The following PID1 variants were observed in gnomAD, a reference collection of about 807,000 sequenced individuals.
PID1 encodes the protein phosphotyrosine interaction domain containing 1, also known as PTB-containing, cubilin and LRP1-interacting protein.
In PID1, 10 loss-of-function variants were observed where a neutral mutation model predicts 19.1. The observed-to-expected ratio is 0.52, with a 90% CI of 0.32 to 0.89. The LOEUF is 0.89. Among genes scored for constraint, PID1 ranks in the 40% least tolerant of loss-of-function variants. PID1 has a pLI of 0.03. For synonymous variants in PID1, 130 were observed against 116.0 expected (o/e 1.12, Z -0.78); for missense variants, 248 against 285.3 (o/e 0.87, Z 0.94).
intron 2 of PID1, among the ~76,000 whole-genome samples, chr2:229,104,232 T>C (rs761412480): frequency 6.6e-6 from 1 of 152,196 alleles, no homozygotes; most frequent in African/African-American, 2.4e-5. Flanking sequence ...ACCTTTCACC[T>C]AAATTGCCCT....
chr2:229,050,748 G>T lies in PID1; in HGVS notation c.178-24640C>A, dbSNP rs570963451. ...TCAAGCTCTGGGGGTAGCTCAGATG[G>T]AAGTCACTGTAGGCCTTCTAGTAAA... On this transcript the variant is annotated intron_variant, in intron 2 of 2. Transcript: ENST00000392055. Among the ~76,000 whole-genome samples, 3 of 152,244 alleles carry T rather than the reference G, an allele frequency of 2.0e-5. No homozygotes were observed. In the South Asian group the frequency reaches 6.2e-4, roughly 32 times the overall value.
chr2:229,070,730 G>C (rs1275606316), intron 2 of PID1, among the ~76,000 whole-genome samples: 1 of 152,194 alleles, frequency 6.6e-6, no homozygotes, highest in Non-Finnish European at 1.5e-5. Context: ...TTGAGAGCAA[G>C]ACAAGGAACC....
At chr2:229,266,118 C>T (rs1271504960) in intron 1 of PID1, among the ~76,000 whole-genome samples, 1 of 152,110 alleles carries the variant, frequency 6.6e-6, no homozygotes, top group Admixed American at 6.6e-5. Flanking sequence ...CAATAGGGCC[C>T]GATGTTTTGT....
chr2:229,025,367 A>C lies in PID1; in HGVS notation c.*265T>G. 1 of 360,598 alleles carries C rather than the reference A, an allele frequency of 2.8e-6. No individual in the cohort carries two copies. The highest frequency in any genetic ancestry group is 4.7e-6 in the Non-Finnish European group (1 of 212,608). 22.3% of individuals were successfully genotyped at this position (360,598 alleles called of 1,614,324 possible). On this transcript the variant is annotated 3_prime_UTR_variant, in exon 3 of 3. Transcript: ENST00000392055. The stretch of plus-strand genomic sequence containing the variant: ...GCTCTCCCACAGAGAGGCATTGGGA[A>C]ATGAGAAAAATAAGAGAGCCTAGAA...
chr2:229,180,067 T>C (rs1279549420), intron 1 of PID1, among the ~76,000 whole-genome samples: 2 of 152,188 alleles, frequency 1.3e-5, no homozygotes, highest in Admixed American at 6.6e-5. Flanking sequence ...TACAACCACA[T>C]GCACTTCGTA....
At chr2:229,103,699 C>T (rs576352392) in intron 2 of PID1, among the ~76,000 whole-genome samples, 51 of 151,928 alleles carry the variant, frequency 3.4e-4, no homozygotes, top group African/African-American at 1.2e-3. Context: ...GCCTCAGCCT[C>T]CCGAATAGCT....
At position 229,091,366 on chromosome 2, in the gene PID1, G is replaced by GAA. The variant is rs35599164; in HGVS notation, c.177+64450_177+64451dup. ...ATTCACAAAAACTCCCTCTGGTAAA[G>GAA]AAAAAAAAAAAAGCTGATATGCAAT... On this transcript the variant is annotated intron_variant, in intron 2 of 2. Coordinates refer to ENST00000392055, the MANE Select transcript of PID1 (RefSeq NM_001100818.2). 3.3e-3 allele frequency among the ~76,000 whole-genome samples: 472 copies of GAA among 141,216 alleles called. 3 individuals are homozygous for GAA. The highest frequency in any genetic ancestry group is 0.011 in the Middle Eastern group (3 of 266). 92.6% of individuals were successfully genotyped at this position (141,216 alleles called of 152,430 possible). A position where few individuals can be genotyped will look rare whatever the true frequency, so the allele number is the denominator to read the frequency against.
intron 2 of PID1, among the ~76,000 whole-genome samples, chr2:229,094,945 T>C (rs1694945161): frequency 6.6e-6 from 1 of 152,178 alleles, no homozygotes. Flanking sequence ...AGTGCCATGC[T>C]ACACACGATA....
At chr2:229,051,670 T>A (rs990800016) in intron 2 of PID1, among the ~76,000 whole-genome samples, 68 of 152,254 alleles carry the variant, frequency 4.5e-4, no homozygotes, top group African/African-American at 1.6e-3. Context: ...TACCATTACA[T>A]AACAAAGTAA....
chr2:229,117,509 CT>C (rs1695433372), intron 2 of PID1, among the ~76,000 whole-genome samples: 1 of 152,168 alleles, frequency 6.6e-6, no homozygotes, highest in Non-Finnish European at 1.5e-5. Context: ...TCCATCCTTC[CT>C]TTCTCTGTAG....
intron 1 of PID1, among the ~76,000 whole-genome samples, chr2:229,249,423 A>G (rs1031556105): frequency 2.6e-5 from 4 of 152,202 alleles, no homozygotes; most frequent in African/African-American, 7.2e-5. Context: ...GAGAGATGAC[A>G]AAAAATAAAT....
At chr2:229,216,401 T>C (rs1691847123) in intron 1 of PID1, among the ~76,000 whole-genome samples, 3 of 152,088 alleles carry the variant, frequency 2.0e-5, no homozygotes, top group African/African-American at 7.2e-5. Context: ...GTTCTGATGG[T>C]TTTCCTTTCC....
Position 229,187,794 on chromosome 2 carries a change from C to T in PID1, c.31-31830G>A, listed in dbSNP as rs959541642. ...ACACCTCCTAATCTCTCCTCCACCA[C>T]AGCTATTTTCCCATTTCTCCCATCC... On this transcript the variant is annotated intron_variant, in intron 1 of 2. Coordinates refer to ENST00000392055, the MANE Select transcript of PID1 (RefSeq NM_001100818.2). 5.3e-5 allele frequency among the ~76,000 whole-genome samples: 8 copies of T among 152,298 alleles called. No homozygotes were observed. In the South Asian group the frequency reaches 1.5e-3, roughly 28 times the overall value.
At chr2:229,247,911 T>C (rs1472607231) in intron 1 of PID1, among the ~76,000 whole-genome samples, 1 of 152,146 alleles carries the variant, frequency 6.6e-6, no homozygotes. Context: ...TTATATATTG[T>C]CATTCTCACT....
intron 1 of PID1, among the ~76,000 whole-genome samples, chr2:229,226,952 C>G (rs1692090716): frequency 1.3e-5 from 2 of 152,096 alleles, no homozygotes. Context: ...TCTGTAGTGT[C>G]AAACTTTCAC....
chr2:229,228,946 T>C (rs1191092838), intron 1 of PID1, among the ~76,000 whole-genome samples: 1 of 152,158 alleles, frequency 6.6e-6, no homozygotes, highest in Non-Finnish European at 1.5e-5. Context: ...CTACCTGACC[T>C]GGTGTGAGAA....
At chr2:229,116,477 C>T (rs1695413793) in intron 2 of PID1, among the ~76,000 whole-genome samples, 1 of 152,038 alleles carries the variant, frequency 6.6e-6, no homozygotes, top group Non-Finnish European at 1.5e-5. Context: ...AATTGTAGCT[C>T]CCATAATTCC....
chr2:229,139,007 GAAAGAAAGAAAGAA>G (rs1258423294), intron 2 of PID1, among the ~76,000 whole-genome samples: 7 of 86,816 alleles, frequency 8.1e-5, no homozygotes, highest in African/African-American at 3.1e-4. Context: ...AAGAAAGAAA[GAAAGAAAGAAAGAA>G]AGAAAGAAAG....
chr2:229,070,779 G>A (rs1465888375), intron 2 of PID1, among the ~76,000 whole-genome samples: 1 of 152,154 alleles, frequency 6.6e-6, no homozygotes, highest in Non-Finnish European at 1.5e-5. Flanking sequence ...AGGGTGGGAT[G>A]AGGATGAGAA....
Sources: allele counts gnomAD v4.1 joint callset (sites outside exome capture counted in the v4.1 genomes callset), GRCh38; gene constraint gnomAD v4.1.1; transcripts MANE v1.5; gene names NCBI Gene and HGNC (gene_info 2026-07-23, HGNC 2026-07-21).